AHI1: variants seen among roughly 807,000 people sequenced by gnomAD.
The protein encoded by AHI1 is Abelson helper integration site 1.
Under a neutral mutation model 149.3 loss-of-function variants are expected in AHI1, and 123 were observed. The ratio of observed to expected loss-of-function variants is 0.82; its 90% CI spans 0.71 to 0.96. The LOEUF (loss-of-function observed/expected upper bound fraction) is 0.96. Among genes scored for constraint, AHI1 ranks in the 40% least tolerant of loss-of-function variants. The pLI, the probability that AHI1 is intolerant of heterozygous loss-of-function variation, is 0.00. For missense variants in AHI1, 1,439 were observed against 1,422.7 expected (o/e 1.01, Z -0.18); for synonymous variants, 475 against 459.8 (o/e 1.03, Z -0.42).
At chr6:135,403,160 T>G (rs1323480988) in intron 22 of AHI1, among the ~76,000 whole-genome samples, 1 of 151,956 alleles carries the variant, frequency 6.6e-6, no homozygotes, top group Non-Finnish European at 1.5e-5. Flanking sequence ...AGTGTGTATG[T>G]GTAGGAATTG....
chr6:135,389,487 ATGGT>A (rs770311268), intron 23 of AHI1, among the ~76,000 whole-genome samples: 13 of 152,188 alleles, frequency 8.5e-5, no homozygotes, highest in Non-Finnish European at 1.8e-4. Flanking sequence ...ATTCGATTAA[ATGGT>A]TGGTTATCAA....
At chr6:135,473,392 G>A (rs754141386) in intron 5 of AHI1, among the ~76,000 whole-genome samples, 1 of 152,116 alleles carries the variant, frequency 6.6e-6, no homozygotes, top group South Asian at 2.1e-4. Context: ...TTCCAACTTT[G>A]TTCCTTTTCA....
chr6:135,331,991 T>C (rs1007465946), intron 24 of AHI1, among the ~76,000 whole-genome samples: 3 of 152,116 alleles, frequency 2.0e-5, no homozygotes, highest in Non-Finnish European at 4.4e-5. Context: ...TGGTGAGTGC[T>C]GGATTTTCTT....
chr6:135,409,424 A>C (rs1781269776), intron 21 of AHI1, among the ~76,000 whole-genome samples: 1 of 152,058 alleles, frequency 6.6e-6, no homozygotes. Flanking sequence ...AAAGATCTGG[A>C]TTTTCATATT....
intron 5 of AHI1, among the ~76,000 whole-genome samples, chr6:135,482,894 C>CTTTGTTTTTTTTTTTTTTTT (rs1793901897): frequency 1.8e-5 from 1 of 55,734 alleles, no homozygotes; most frequent in Non-Finnish European, 2.8e-5. Flanking sequence ...CCATTTAAGG[C>CTTTGTTTTTTTTTTTTTTTT]TTTTTTTTTT....
chr6:135,488,442 A>G (rs1354615677), intron 5 of AHI1, among the ~76,000 whole-genome samples: 1 of 152,146 alleles, frequency 6.6e-6, no homozygotes, highest in Non-Finnish European at 1.5e-5. Context: ...AGTTTTAAGG[A>G]AGCAACTGAA....
intron 21 of AHI1, among the ~76,000 whole-genome samples, chr6:135,406,051 G>A (rs1242862892): frequency 1.3e-5 from 2 of 151,980 alleles, no homozygotes; most frequent in Non-Finnish European, 2.9e-5. Flanking sequence ...CAGTTATTGG[G>A]AGCATTACCA....
chr6:135,387,739 A>G, intron 23 of AHI1: 1 of 1,139,430 alleles, frequency 8.8e-7, no homozygotes, highest in Non-Finnish European at 1.1e-6. Flanking sequence ...AATAAAACAA[A>G]CTGTATAATT....
intron 22 of AHI1, among the ~76,000 whole-genome samples, chr6:135,404,708 A>G (rs1410666039): frequency 6.6e-6 from 1 of 152,236 alleles, no homozygotes; most frequent in African/African-American, 2.4e-5. Flanking sequence ...CTTTACTGAA[A>G]GTATCTCCAT....
At chr6:135,338,466 T>C (rs972438076) in intron 24 of AHI1, among the ~76,000 whole-genome samples, 1 of 152,074 alleles carries the variant, frequency 6.6e-6, no homozygotes, top group Non-Finnish European at 1.5e-5. Context: ...AAGTAGCAAA[T>C]AGAATCTTCA....
intron 23 of AHI1, among the ~76,000 whole-genome samples, chr6:135,385,825 A>G (rs966220504): frequency 6.6e-6 from 1 of 152,186 alleles, no homozygotes; most frequent in Non-Finnish European, 1.5e-5. Context: ...AAACAAAACA[A>G]AACAAGGAAA....
At chr6:135,411,208 A>G (rs1781536355) in intron 21 of AHI1, 140 bp downstream of exon 21, 5 of 782,814 alleles carry the variant, frequency 6.4e-6, no homozygotes, top group Middle Eastern at 3.4e-4. Context: ...AGGAATAAGT[A>G]CCTGAAAGGA....
chr6:135,465,929 GTTTC>G lies in AHI1; in HGVS notation c.630_633del (p.Lys210AsnfsTer2), dbSNP rs776569081. 1.2e-6 allele frequency: 2 copies of G among 1,606,354 alleles called. No individual in the cohort carries two copies. Among genetic ancestry groups the G allele is most frequent in the Non-Finnish European group, 1.7e-6 (2 of 1,176,920 alleles). On this transcript the variant is annotated frameshift_variant, in exon 7 of 29. Coordinates refer to ENST00000265602, the MANE Select transcript of AHI1 (RefSeq NM_001134831.2). LOFTEE classifies it high-confidence loss of function. ...GGAAAGTAAGTCAACTGTTCTTTCA[GTTTC>G]TTTCTTATTTTCCTCTTAATCTCCT...
rs1326661094 is a variant in AHI1 at position 135,427,208 on chromosome 6, C to T, written c.2723G>A (p.Gly908Glu). 1.9e-6 allele frequency: 3 copies of T among 1,610,474 alleles called. No individual in the cohort carries two copies. Among genetic ancestry groups the T allele is most frequent in the South Asian group, 2.2e-5 (2 of 90,814 alleles). ...ATACAGAAGAATTGGCTCATTTTGC[C>T]CAAATGCACAGAATGCAACCATATT... ...FENMVAFCAF[G>E]QNEPILLYIY... Residue 908 changes from glycine (G) to glutamate (E), a missense_variant, in exon 20 of 29, where the codon GGG (glycine) becomes GAG (glutamate). Gly to Glu is a moderately conservative substitution (Grantham distance 98). Transcript: ENST00000265602.
At chr6:135,361,705 T>A (rs900453961) in intron 23 of AHI1, among the ~76,000 whole-genome samples, 6 of 148,422 alleles carry the variant, frequency 4.0e-5, no homozygotes, top group Non-Finnish European at 9.0e-5. Context: ...GTGTGTATAT[T>A]TATACTCTAA....
At chr6:135,467,741 G>GT (rs1318032033) in intron 5 of AHI1, 107 bp from the exon 6 acceptor site, 4 of 738,284 alleles carry the variant, frequency 5.4e-6, no homozygotes, top group Admixed American at 3.2e-5. Flanking sequence ...AAATTATTTA[G>GT]TTTTTTTACC....
intron 22 of AHI1, among the ~76,000 whole-genome samples, chr6:135,397,194 G>C (rs1355975398): frequency 2.0e-5 from 3 of 151,888 alleles, no homozygotes; most frequent in African/African-American, 7.2e-5. Flanking sequence ...TTAGATATTT[G>C]TTTTGAAATT....
At chr6:135,399,285 C>T (rs1310681902) in intron 22 of AHI1, among the ~76,000 whole-genome samples, 1 of 152,208 alleles carries the variant, frequency 6.6e-6, no homozygotes, top group Non-Finnish European at 1.5e-5. Context: ...AACAAACCAA[C>T]TAAAACTCTC....
rs763491102 is a variant in AHI1, at chr6:135,466,150, G to A, written c.413C>T (p.Thr138Ile). Residue 138 changes from threonine (T) to isoleucine (I), a missense_variant, in exon 7 of 29, where the codon ACA becomes ATA. By Grantham distance (89) the Thr-to-Ile change is moderately conservative. Transcript: ENST00000265602. ...KVIKTVPQLT[T>I]QDLKPETPEN... ...AGGAGTTTCCGGTTTCAGGTCTTGT[G>A]TAGTCAACTGGGGCACCGTCTTTAT... 1.9e-6 allele frequency: 3 copies of A among 1,613,882 alleles called. No individual in the cohort carries two copies. Among genetic ancestry groups the A allele is most frequent in the Admixed American group, 3.3e-5 (2 of 59,996 alleles).
Sources: gnomAD v4.1 joint callset for allele counts (sites outside exome capture counted in the v4.1 genomes callset) on GRCh38, gnomAD v4.1.1 for gene constraint, MANE v1.5 for transcripts, NCBI Gene and HGNC (gene_info 2026-07-23, HGNC 2026-07-21) for gene names.